The following PCDH15 variants were observed in gnomAD, a reference collection of about 807,000 sequenced individuals.
PCDH15 encodes the protein protocadherin-15.
Under a neutral mutation model 178.5 loss-of-function variants are expected in PCDH15, and 129 were observed. The ratio of observed to expected loss-of-function variants is 0.72; its 90% CI spans 0.63 to 0.84. The LOEUF is 0.84. Among genes scored for constraint, PCDH15 ranks in the 40% least tolerant of loss-of-function variants. The probability of loss-of-function intolerance (pLI) is 0.00; values close to 1 mark genes in which losing one functional copy is unlikely to be tolerated. For missense variants in PCDH15, 2,230 were observed against 2,099.9 expected, an observed-to-expected ratio of 1.06 and a Z score of -1.21; for synonymous variants, 800 against 732.0, an observed-to-expected ratio of 1.09 and a Z score of -1.50.
intron 1 of PCDH15, among the ~76,000 whole-genome samples, chr10:54,764,270 T>TA (rs927662478): frequency 6.6e-6 from 1 of 152,018 alleles, no homozygotes; most frequent in Non-Finnish European, 1.5e-5. Context: ...AAGAACACAG[T>TA]AAATAGTAAG....
chr10:54,730,466 G>C (rs577739899), intron 1 of PCDH15, among the ~76,000 whole-genome samples: 1 of 151,624 alleles, frequency 6.6e-6, no homozygotes, highest in East Asian at 1.9e-4. Flanking sequence ...CCCAAGTGAT[G>C]AAATAATCTG....
At chr10:54,512,021 T>C (rs961827888) in intron 3 of PCDH15, among the ~76,000 whole-genome samples, 1 of 152,098 alleles carries the variant, frequency 6.6e-6, no homozygotes, top group African/African-American at 2.4e-5. Context: ...ACCCAGAGAT[T>C]TCATCTTTCA....
intron 11 of PCDH15, among the ~76,000 whole-genome samples, chr10:54,191,028 G>T (rs939923728): frequency 6.6e-6 from 1 of 152,134 alleles, no homozygotes; most frequent in African/African-American, 2.4e-5. Context: ...TCAAACATGG[G>T]ATAGGCCATC....
chr10:54,881,071 C>T (rs953293529), intron 3 of PCDH15, among the ~76,000 whole-genome samples: 6 of 152,016 alleles, frequency 3.9e-5, no homozygotes, highest in Non-Finnish European at 2.9e-5. Flanking sequence ...GCATTGACTT[C>T]CAGCATCTTT....
upstream of PCDH15, among the ~76,000 whole-genome samples, chr10:55,320,739 C>A (rs1843873544): frequency 6.6e-6 from 1 of 152,060 alleles, no homozygotes; most frequent in East Asian, 1.9e-4. Flanking sequence ...ATGATCAAAC[C>A]CCCAAGGATA....
At chr10:55,094,347 C>T (rs528528287) in intron 2 of PCDH15, among the ~76,000 whole-genome samples, 8 of 151,762 alleles carry the variant, frequency 5.3e-5, no homozygotes, top group African/African-American at 1.7e-4. Flanking sequence ...ACACTGAGAA[C>T]ACTTGGACAC....
intron 1 of PCDH15, among the ~76,000 whole-genome samples, chr10:54,768,352 C>T (rs566576584): frequency 6.6e-6 from 1 of 152,060 alleles, no homozygotes; most frequent in African/African-American, 2.4e-5. Flanking sequence ...TTCTGAGGCC[C>T]CACTGAGCTC....
chr10:54,602,896 A>T (rs2092600543), intron 2 of PCDH15, among the ~76,000 whole-genome samples: 1 of 151,960 alleles, frequency 6.6e-6, no homozygotes, highest in Admixed American at 6.6e-5. Flanking sequence ...TTCTGAGTCT[A>T]CATTCATCAA....
chr10:54,230,579 A>T (rs1227090813), intron 9 of PCDH15, among the ~76,000 whole-genome samples: 1 of 152,136 alleles, frequency 6.6e-6, no homozygotes, highest in Non-Finnish European at 1.5e-5. Flanking sequence ...CATTTCCAAT[A>T]TGAGTATACT....
At chr10:55,343,128 G>A (rs1220555930) in intron 2 of PCDH15, among the ~76,000 whole-genome samples, 1 of 152,134 alleles carries the variant, frequency 6.6e-6, no homozygotes, top group Non-Finnish European at 1.5e-5. Context: ...GGCCAAGTTG[G>A]GTGGGAGTGA....
chr10:55,597,377 GTTAAA>G (rs1269104839), intron 2 of PCDH15: 1 of 151,972 alleles, frequency 6.6e-6, no homozygotes, highest in Non-Finnish European at 1.5e-5. Context: ...TGACTTTATT[GTTAAA>G]TTAGGTAAGA....
chr10:54,236,131 T>A (rs1174089504), intron 9 of PCDH15, among the ~76,000 whole-genome samples: 1 of 152,120 alleles, frequency 6.6e-6, no homozygotes, highest in Admixed American at 6.6e-5. Context: ...CCTTTCTCCC[T>A]TAAAAGATAT....
chr10:54,765,207 A>C (rs1230191761), intron 1 of PCDH15, among the ~76,000 whole-genome samples: 1 of 152,166 alleles, frequency 6.6e-6, no homozygotes, highest in African/African-American at 2.4e-5. Flanking sequence ...TTGCCATTAT[A>C]CCTTATATGG....
intron 35 of PCDH15, among the ~76,000 whole-genome samples, chr10:53,812,855 AAATTT>A (rs929132805): frequency 3.3e-5 from 5 of 152,302 alleles, no homozygotes; most frequent in African/African-American, 1.2e-4. Flanking sequence ...TTATTTATAA[AAATTT>A]AATTTTGTTG....
At chr10:54,368,844 A>G (rs910635924) in intron 5 of PCDH15, among the ~76,000 whole-genome samples, 3 of 152,050 alleles carry the variant, frequency 2.0e-5, no homozygotes, top group Non-Finnish European at 2.9e-5. Context: ...ATGCCTAAGT[A>G]AGCATGTAGA....
chr10:54,918,705 A>G (rs567905529), intron 2 of PCDH15, among the ~76,000 whole-genome samples: 46 of 152,182 alleles, frequency 3.0e-4, no homozygotes, highest in Non-Finnish European at 6.5e-4. Flanking sequence ...TTTTTTAATA[A>G]AAAGTCAAAA....
At chr10:54,440,179 C>T (rs1459141541) in intron 3 of PCDH15, among the ~76,000 whole-genome samples, 1 of 151,900 alleles carries the variant, frequency 6.6e-6, no homozygotes, top group Non-Finnish European at 1.5e-5. Context: ...TCATTCACAA[C>T]AAAAACGATG....
intron 8 of PCDH15, among the ~76,000 whole-genome samples, chr10:54,305,326 AG>A (rs1447092761): frequency 6.6e-6 from 1 of 152,058 alleles, no homozygotes; most frequent in Non-Finnish European, 1.5e-5. Flanking sequence ...TATTTTATCT[AG>A]GTATTTTTTT....
At chr10:54,148,196 C>T (rs2044173702) in intron 14 of PCDH15, among the ~76,000 whole-genome samples, 1 of 151,942 alleles carries the variant, frequency 6.6e-6, no homozygotes, top group African/African-American at 2.4e-5. Flanking sequence ...TCTGTAACTA[C>T]TCAATGTATA....
Sources: allele counts gnomAD v4.1 joint callset (sites outside exome capture counted in the v4.1 genomes callset), GRCh38; gene constraint gnomAD v4.1.1; transcripts MANE v1.5; gene names NCBI Gene and HGNC (gene_info 2026-07-23, HGNC 2026-07-21).